Variants in ASPH observed in about 807,000 individuals in gnomAD.
ASPH encodes aspartate beta-hydroxylase.
ASPH carries 100 observed loss-of-function variants against 118.4 expected under a neutral mutation model. The observed-to-expected ratio is 0.84, with a 90% CI of 0.72 to 1.00. ASPH has a LOEUF of 1.00. ASPH is among the 50% of genes least tolerant of loss of function. ASPH has a pLI of 0.00. For missense variants in ASPH, 920 were observed against 919.5 expected (o/e 1.00, Z -0.01); for synonymous variants, 315 against 325.6 (o/e 0.97, Z 0.35).
intron 21 of ASPH, among the ~76,000 whole-genome samples, chr8:61,540,993 C>A (rs1821679945): frequency 6.6e-6 from 1 of 151,802 alleles, no homozygotes; most frequent in African/African-American, 2.4e-5. Context: ...GGCACGGTGG[C>A]TCACACCTGT....
At chr8:61,663,683 G>C (rs4524783) in intron 3 of ASPH, 814,464 of 979,066 alleles carry the variant, frequency 0.83, 339,513 homozygotes, top group African/African-American at 0.93. Flanking sequence ...CATAAAACTC[G>C]AAGTTATCAG....
rs767965454 is a variant in ASPH at position 61,517,593 on chromosome 8, G to C, written c.2061C>G (p.Leu687=). The part of the protein sequence containing the change: ...WPHTGPTNCR[L]RMHLGLVIPK... ...GAATCACCAAGCCCAGGTGCATTCG[G>C]AGCCTGCAGTTTGTGGGCCCTGTGT... The change falls in exon 24 of 25, where the codon CTC becomes CTG. Residue 687 remains leucine (L), a synonymous_variant. Coordinates refer to ENST00000379454, the MANE Select transcript of ASPH (RefSeq NM_004318.4). 6.2e-7 allele frequency: 1 copy of C among 1,614,154 alleles called. No individual in the cohort carries two copies. The highest frequency in any genetic ancestry group is 1.1e-5 in the South Asian group (1 of 91,086).
intron 13 of ASPH, chr8:61,625,229 A>G (rs1852313797): frequency 4.1e-6 from 4 of 985,678 alleles, no homozygotes; most frequent in African/African-American, 1.7e-5. Context: ...ACCACATTAA[A>G]TAAGAAGAAA....
intron 1 of ASPH, among the ~76,000 whole-genome samples, chr8:61,704,438 GAAGAA>G (rs1245974377): frequency 1.3e-5 from 2 of 151,674 alleles, no homozygotes; most frequent in Non-Finnish European, 2.9e-5. Context: ...AAAACTTCTA[GAAGAA>G]AATAAAAGAG....
chr8:61,548,319 A>G, intron 20 of ASPH, 111 bp from the exon 21 acceptor site: 2 of 1,289,484 alleles, frequency 1.6e-6, no homozygotes, highest in Non-Finnish European at 2.1e-6. Flanking sequence ...CATTTAAATA[A>G]AGAGCTTACT....
intron 14 of ASPH, among the ~76,000 whole-genome samples, chr8:61,587,967 G>A (rs1839966158): frequency 6.6e-6 from 1 of 152,060 alleles, no homozygotes; most frequent in Non-Finnish European, 1.5e-5. Flanking sequence ...TTACCCATGG[G>A]TAAGAAATGG....
At chr8:61,554,783 G>A (rs1184675993) in intron 19 of ASPH, among the ~76,000 whole-genome samples, 1 of 152,008 alleles carries the variant, frequency 6.6e-6, no homozygotes, top group East Asian at 1.9e-4. Flanking sequence ...TGTCGCTCAC[G>A]CTGGAGGGCA....
intron 14 of ASPH, among the ~76,000 whole-genome samples, chr8:61,603,884 T>C (rs763086560): frequency 3.3e-5 from 5 of 152,200 alleles, no homozygotes; most frequent in Non-Finnish European, 7.4e-5. Flanking sequence ...TGACAGAACA[T>C]TAGAACTGAC....
At position 61,578,924 on chromosome 8, in the gene ASPH, G is replaced by A. The variant is rs773245075; in HGVS notation, c.1063-2066C>T. The A allele has an allele frequency of 3.2e-4, 523 of 1,611,382 alleles. 3 individuals are homozygous for A. Among genetic ancestry groups the A allele is most frequent in the Middle Eastern group, 1.3e-3 (7 of 5,518 alleles). The stretch of plus-strand genomic sequence containing the variant: ...TGTACGAAAAGGAGATCCGGGAGCT[G>A]CAGTCCCAGATCTCGGACACATCTG... On this transcript the variant is annotated intron_variant, in intron 15 of 24. Coordinates refer to ENST00000379454, the MANE Select transcript of ASPH (RefSeq NM_004318.4).
intron 23 of ASPH, 53 bp downstream of exon 23, chr8:61,517,979 G>C (rs983196859): frequency 1.3e-6 from 2 of 1,513,822 alleles, no homozygotes; most frequent in Non-Finnish European, 1.8e-6. Context: ...AGGTCAACAC[G>C]CCCTTATTCC....
At chr8:61,690,925 G>C (rs539426500) in intron 1 of ASPH, among the ~76,000 whole-genome samples, 5 of 152,144 alleles carry the variant, frequency 3.3e-5, no homozygotes, top group Non-Finnish European at 5.9e-5. Flanking sequence ...GTGTGTGTGT[G>C]TGTACACTGA....
intron 13 of ASPH, among the ~76,000 whole-genome samples, chr8:61,622,566 A>C (rs1851358438): frequency 6.6e-6 from 1 of 152,158 alleles, no homozygotes; most frequent in Non-Finnish European, 1.5e-5. Context: ...ACCAGTCCTC[A>C]CGTCACAGCT....
intron 1 of ASPH, among the ~76,000 whole-genome samples, chr8:61,711,480 T>C (rs1006874843): frequency 5.3e-5 from 8 of 152,026 alleles, no homozygotes; most frequent in African/African-American, 1.9e-4. Context: ...AGAGTAAAAC[T>C]GAAAAAAAAG....
At chr8:61,604,444 T>C (rs994179204) in intron 14 of ASPH, among the ~76,000 whole-genome samples, 1 of 152,230 alleles carries the variant, frequency 6.6e-6, no homozygotes, top group Non-Finnish European at 1.5e-5. Context: ...TAATTTCTTA[T>C]CAGTAACACT....
Position 61,503,231 on chromosome 8 carries a change from T to C in ASPH, c.*128A>G, listed in dbSNP as rs1213594344. 5.5e-5 allele frequency: 64 copies of C among 1,169,274 alleles called. No individual in the cohort carries two copies. The Admixed American group carries it at 1.8e-3, about 32-fold the overall frequency. The allele number at this position is 1,169,274 out of a possible 1,614,324, so 72.4% of individuals were successfully genotyped here. On this transcript the variant is annotated 3_prime_UTR_variant, in exon 25 of 25. Transcript: ENST00000379454. Reference sequence around the variant, plus strand: ...TGTCTTCTGACCCTAGGAGGAGGCTTTGAATTACTCGGGCTGCAAGTCAAG... The same window carrying C: ...TGTCTTCTGACCCTAGGAGGAGGCTCTGAATTACTCGGGCTGCAAGTCAAG...
intron 14 of ASPH, among the ~76,000 whole-genome samples, chr8:61,607,806 C>T (rs908704331): frequency 9.2e-5 from 14 of 152,172 alleles, no homozygotes; most frequent in Admixed American, 4.6e-4. Context: ...CCTCAAACAT[C>T]GTCATCCTAT....
At chr8:61,687,084 C>A (rs1830845132) in intron 1 of ASPH, among the ~76,000 whole-genome samples, 2 of 151,698 alleles carry the variant, frequency 1.3e-5, no homozygotes, top group South Asian at 4.2e-4. Flanking sequence ...AAGCAAGACC[C>A]TTTCTTAAAA....
Position 61,579,242 on chromosome 8 carries a change from T to C in ASPH, c.1063-2384A>G. 11 of 1,613,830 alleles carry C rather than the reference T, an allele frequency of 6.8e-6. No individual in the cohort carries two copies. In the South Asian group the frequency reaches 1.2e-4, roughly 18 times the overall value. ...CCGCCATTGCAGATGCCGAGCAGCG[T>C]GGAGAGCTGGCCATTAAGGATGCCA... On this transcript the variant is annotated intron_variant, in intron 15 of 24. Coordinates refer to ENST00000379454, the MANE Select transcript of ASPH (RefSeq NM_004318.4).
chr8:61,714,403 C>T lies in ASPH; in HGVS notation c.-32G>A, dbSNP rs3829051. Reference sequence around the variant, plus strand: ...GTCCGCGGGGGCTGGTGAGGGCTGGCGGACCTCCTTCAGTGCGCGGGGGTA... The same window carrying T: ...GTCCGCGGGGGCTGGTGAGGGCTGGTGGACCTCCTTCAGTGCGCGGGGGTA... On this transcript the variant is annotated 5_prime_UTR_variant, in exon 1 of 25. Coordinates refer to ENST00000379454, the MANE Select transcript of ASPH (RefSeq NM_004318.4). 1,094,614 of 1,463,126 alleles carry T rather than the reference C, an allele frequency of 0.75. 410,919 individuals carry two copies. The highest frequency in any genetic ancestry group is 0.87 in the African/African-American group (58,952 of 67,980). 90.6% of individuals were successfully genotyped at this position (1,463,126 alleles called of 1,614,324 possible).
Sources: allele counts gnomAD v4.1 joint callset (sites outside exome capture counted in the v4.1 genomes callset), GRCh38; gene constraint gnomAD v4.1.1; transcripts MANE v1.5; gene names NCBI Gene and HGNC (gene_info 2026-07-23, HGNC 2026-07-21).